The following GCC2 variants were observed in gnomAD, a reference collection of about 807,000 sequenced individuals.
GCC2 encodes GRIP and coiled-coil domain containing 2.
Under a neutral mutation model 210.6 loss-of-function variants are expected in GCC2, and 120 were observed. The ratio of observed to expected loss-of-function variants is 0.57; its 90% CI spans 0.49 to 0.66. The LOEUF is 0.66. Among genes scored for constraint, GCC2 ranks in the 30% least tolerant of loss-of-function variants. The pLI, the probability that GCC2 is intolerant of heterozygous loss-of-function variation, is 0.00. For missense variants in GCC2, 1,868 were observed against 1,871.9 expected, an observed-to-expected ratio of 1.00 and a Z score of 0.04; for synonymous variants, 703 against 652.7, an observed-to-expected ratio of 1.08 and a Z score of -1.17.
intron 9 of GCC2, among the ~76,000 whole-genome samples, chr2:108,481,348 C>T (rs1681838723): frequency 6.6e-6 from 1 of 152,130 alleles, no homozygotes; most frequent in Non-Finnish European, 1.5e-5. Context: ...AACTTTTTAT[C>T]CTCTGTCCTT....
chr2:108,449,425 A>G (rs1379823595), intron 1 of GCC2, 145 bp downstream of exon 1: 8 of 1,407,170 alleles, frequency 5.7e-6, no homozygotes, highest in Non-Finnish European at 7.6e-6. Context: ...TCTTTCGTAA[A>G]CTCTATCCCT....
chr2:108,503,582 T>C (rs1683035633), intron 22 of GCC2, among the ~76,000 whole-genome samples: 1 of 152,088 alleles, frequency 6.6e-6, no homozygotes, highest in South Asian at 2.1e-4. Flanking sequence ...CAACACTGCA[T>C]ACATGAGGGA....
intron 18 of GCC2, among the ~76,000 whole-genome samples, chr2:108,491,793 T>TA (rs1682415223): frequency 6.6e-6 from 1 of 151,794 alleles, no homozygotes; most frequent in Non-Finnish European, 1.5e-5. Flanking sequence ...TTATTTTTTT[T>TA]ACCAAAGCCA....
At chr2:108,449,912 C>G in intron 2 of GCC2, 2 of 542,452 alleles carry the variant, frequency 3.7e-6, no homozygotes, top group South Asian at 4.6e-5. Flanking sequence ...GTTAGCACTG[C>G]TGGGAGATCC....
intron 7 of GCC2, among the ~76,000 whole-genome samples, chr2:108,474,550 C>T (rs983023701): frequency 2.6e-5 from 4 of 152,164 alleles, no homozygotes; most frequent in African/African-American, 9.7e-5. Flanking sequence ...ATATAGACAA[C>T]TCTTTTCAAG....
At chr2:108,506,042 C>T (rs1482473613) in intron 22 of GCC2, among the ~76,000 whole-genome samples, 1 of 152,006 alleles carries the variant, frequency 6.6e-6, no homozygotes, top group Non-Finnish European at 1.5e-5. Context: ...GAATGAAAAC[C>T]AGTATTCACA....
At chr2:108,484,377 G>A (rs1682024150) in intron 13 of GCC2, 66 bp downstream of exon 13, 4 of 891,774 alleles carry the variant, frequency 4.5e-6, no homozygotes, top group Middle Eastern at 3.2e-4. Flanking sequence ...TTGGTGGGGG[G>A]CATTACTTGT....
In GCC2 at chr2:108,508,348, T is replaced by G. The variant is rs183453099; in HGVS notation, c.*718T>G. 1 of 138,822 alleles carries G rather than the reference T, an allele frequency of 7.2e-6. No homozygotes were observed. The highest frequency in any genetic ancestry group is 2.6e-5 in the African/African-American group (1 of 37,926). 8.6% of individuals were successfully genotyped at this position (138,822 alleles called of 1,614,324 possible). ...GCTAAGTTAAAATACAGTTTAGTTA[T>G]TTGCTTTAAAATAAACTCTTCTTTT... On this transcript the variant is annotated 3_prime_UTR_variant, in exon 23 of 23. Transcript: ENST00000309863.
chr2:108,453,761 G>C (rs1296274383), intron 4 of GCC2, among the ~76,000 whole-genome samples: 1 of 149,648 alleles, frequency 6.7e-6, no homozygotes, highest in African/African-American at 2.5e-5. Flanking sequence ...CTCCAGCCTG[G>C]GCAACACAGC....
intron 18 of GCC2, 45 bp from the exon 19 acceptor site, chr2:108,492,528 T>C: frequency 2.4e-6 from 3 of 1,274,276 alleles, no homozygotes. Flanking sequence ...TAAGTCAGCA[T>C]ATAAAGTTGA....
Position 108,507,714 on chromosome 2 carries a change from A to G in GCC2, c.*84A>G, listed in dbSNP as rs1573252355. 5 of 972,014 alleles carry G rather than the reference A, an allele frequency of 5.1e-6. No individual in the cohort carries two copies. The East Asian group carries it at 1.2e-4, about 24-fold the overall frequency. 60.2% of individuals were successfully genotyped at this position (972,014 alleles called of 1,614,324 possible). A position where few individuals can be genotyped will look rare whatever the true frequency, so the allele number is the denominator to read the frequency against. On this transcript the variant is annotated 3_prime_UTR_variant, in exon 23 of 23. Transcript: ENST00000309863. ...GTATATTACCACAATTCTTTTGTCA[A>G]AAAGTGTGTATATATGTTTGCATCT...
chr2:108,465,835 C>G (rs1180624697), intron 4 of GCC2, among the ~76,000 whole-genome samples: 1 of 152,114 alleles, frequency 6.6e-6, no homozygotes, highest in African/African-American at 2.4e-5. Flanking sequence ...CCCTTTTCCC[C>G]ACATCCACGC....
chr2:108,484,769 C>G (rs1050912046), intron 13 of GCC2: 1 of 151,946 alleles, frequency 6.6e-6, no homozygotes, highest in Non-Finnish European at 1.5e-5. Context: ...TGTTCTGTTC[C>G]ATTGATCTAT....
chr2:108,470,597 A>G lies in GCC2; in HGVS notation c.1268A>G (p.Asn423Ser). Residue 423 changes from asparagine to serine, a missense_variant, in exon 6 of 23, where the codon AAC becomes AGC. Physicochemically the swap from Asn to Ser is conservative, Grantham distance 46. Coordinates refer to ENST00000309863, the MANE Select transcript of GCC2 (RefSeq NM_181453.4). ...TTTTGCTATACTGTAGAACAGCATAACAGAGAAGTACAGAGTCTTAAGGAA... is the reference window on the plus strand; with the variant it reads ...TTTTGCTATACTGTAGAACAGCATAGCAGAGAAGTACAGAGTCTTAAGGAA... ...KQFCYTVEQH[N>S]REVQSLKEQH... 1 of 1,609,014 alleles carries G rather than the reference A, an allele frequency of 6.2e-7. No homozygotes were observed. The highest frequency in any genetic ancestry group is 1.1e-5 in the South Asian group (1 of 90,578).
chr2:108,467,012 T>C (rs1166187392), intron 4 of GCC2, among the ~76,000 whole-genome samples: 1 of 152,216 alleles, frequency 6.6e-6, no homozygotes, highest in Admixed American at 6.5e-5. Flanking sequence ...CTATATTGTC[T>C]TTATTATTTT....
At chr2:108,498,731 AC>A (rs1197845488) in intron 21 of GCC2, among the ~76,000 whole-genome samples, 1 of 151,978 alleles carries the variant, frequency 6.6e-6, no homozygotes, top group Non-Finnish European at 1.5e-5. Context: ...ATAGTGTTTT[AC>A]ATTATCTTAT....
At position 108,484,309 on chromosome 2, in the gene GCC2, TA is replaced by T. The variant is rs760543706; in HGVS notation, c.3613del (p.Thr1205LeufsTer22). The T allele has an allele frequency of 1.4e-6, 2 of 1,468,346 alleles. No individual in the cohort carries two copies. The highest frequency in any genetic ancestry group is 1.8e-6 in the Non-Finnish European group (2 of 1,085,064). 91.0% of individuals were successfully genotyped at this position (1,468,346 alleles called of 1,614,324 possible). A position where few individuals can be genotyped will look rare whatever the true frequency, so the allele number is the denominator to read the frequency against. On this transcript the variant is annotated frameshift_variant and splice_region_variant, in exon 13 of 23. Coordinates refer to ENST00000309863, the MANE Select transcript of GCC2 (RefSeq NM_181453.4). LOFTEE classifies it high-confidence loss of function. ...KQKQETLQEE[I>X]TSLQSSVQQY... ...AAACAAGAAACCCTACAAGAAGAAA[TA>T]AGTGAGTTAAAGAAAATTCACTTTA...
In GCC2 at chr2:108,449,235, T is replaced by TGGCGGCGGCTGGTTGCGGGCC. The variant is rs769865848; in HGVS notation, c.-31_-11dup. ...GCTGGCGCAAACAGAAGTGCAGCGG[T>TGGCGGCGGCTGGTTGCGGGCC]GGCGGCGGCTGGTTGCGGGCCGGCG... On this transcript the variant is annotated 5_prime_UTR_variant, in exon 1 of 23. Transcript: ENST00000309863. 18 of 1,545,220 alleles carry TGGCGGCGGCTGGTTGCGGGCC rather than the reference T, an allele frequency of 1.2e-5. No individual in the cohort carries two copies. The highest frequency in any genetic ancestry group is 7.9e-5 in the Admixed American group (4 of 50,792).
chr2:108,504,159 A>G (rs1683070791), intron 22 of GCC2, among the ~76,000 whole-genome samples: 1 of 152,202 alleles, frequency 6.6e-6, no homozygotes, highest in African/African-American at 2.4e-5. Context: ...TATGTCAAAC[A>G]TTAGAATATG....
Sources: allele counts gnomAD v4.1 joint callset (sites outside exome capture counted in the v4.1 genomes callset), GRCh38; gene constraint gnomAD v4.1.1; transcripts MANE v1.5; gene names NCBI Gene and HGNC (gene_info 2026-07-23, HGNC 2026-07-21).